Variants in SOX6 observed in about 807,000 individuals in gnomAD.
SOX6 encodes transcription factor SOX-6.
SOX6 carries 11 observed loss-of-function variants against 97.8 expected under a neutral mutation model. The observed-to-expected ratio is 0.11, with a 90% CI of 0.07 to 0.19. The LOEUF is 0.19. Among genes scored for constraint, SOX6 ranks in the 10% least tolerant of loss-of-function variants. The pLI is 1.00. For synonymous variants in SOX6, 360 were observed against 371.4 expected (o/e 0.97, Z 0.35); for missense variants, 810 against 1,039.5 (o/e 0.78, Z 3.04).
At chr11:16,271,487 T>C (rs1297229125) in intron 3 of SOX6, among the ~76,000 whole-genome samples, 1 of 151,456 alleles carries the variant, frequency 6.6e-6, no homozygotes, top group African/African-American at 2.4e-5. Context: ...TAAAACTTTC[T>C]GGGCCTAGTG....
intron 3 of SOX6, chr11:16,646,343 CA>C (rs1277727943): frequency 6.6e-6 from 1 of 152,166 alleles, no homozygotes; most frequent in African/African-American, 2.4e-5. Context: ...GTATAAATAA[CA>C]ACTAATATAA....
At chr11:16,026,079 C>G (rs1855209530) in intron 12 of SOX6, among the ~76,000 whole-genome samples, 1 of 152,140 alleles carries the variant, frequency 6.6e-6, no homozygotes, top group Non-Finnish European at 1.5e-5. Flanking sequence ...CTGAGCTACT[C>G]TTACTCTACC....
chr11:16,405,474 G>A (rs112145734), intron 1 of SOX6, among the ~76,000 whole-genome samples: 16 of 152,128 alleles, frequency 1.1e-4, no homozygotes, highest in East Asian at 5.8e-4. Context: ...GATGAATGGA[G>A]GGACGTGACT....
intron 4 of SOX6, among the ~76,000 whole-genome samples, chr11:16,526,241 C>T (rs184128268): frequency 6.6e-6 from 1 of 152,266 alleles, no homozygotes; most frequent in East Asian, 1.9e-4. Flanking sequence ...ACCCAAATGT[C>T]TAACAATGTA....
At chr11:16,505,171 G>C (rs561316503) in intron 4 of SOX6, among the ~76,000 whole-genome samples, 57 of 152,328 alleles carry the variant, frequency 3.7e-4, no homozygotes, top group Non-Finnish European at 6.5e-4. Flanking sequence ...CTAGAGACTT[G>C]TTGAATGGTT....
intron 3 of SOX6, among the ~76,000 whole-genome samples, chr11:16,682,014 G>A (rs1164921832): frequency 6.6e-6 from 1 of 152,190 alleles, no homozygotes; most frequent in Non-Finnish European, 1.5e-5. Flanking sequence ...CAGATTCACA[G>A]CTGAATTCTA....
rs935374010 is a variant in SOX6 at position 15,971,344 on chromosome 11, T to A, written c.*1465A>T. 1 of 152,646 alleles carries A rather than the reference T, an allele frequency of 6.6e-6. No homozygotes were observed. Among genetic ancestry groups the A allele is most frequent in the Non-Finnish European group, 1.5e-5 (1 of 68,046 alleles). 9.5% of individuals were successfully genotyped at this position (152,646 alleles called of 1,614,324 possible). ...GATGTGCCAGCTGGGACAAGGCAAC[T>A]CAGTGTAAAGGTGCCAGCCCATGAC... On this transcript the variant is annotated 3_prime_UTR_variant, in exon 16 of 16. Transcript: ENST00000683767.
At chr11:16,293,977 ATAAAC>A (rs763124966) in intron 3 of SOX6, among the ~76,000 whole-genome samples, 6 of 151,974 alleles carry the variant, frequency 3.9e-5, no homozygotes, top group East Asian at 3.9e-4. Flanking sequence ...CTTTCTACAC[ATAAAC>A]TAATTACTGG....
At chr11:16,263,064 T>G (rs1853951995) in intron 3 of SOX6, among the ~76,000 whole-genome samples, 2 of 151,904 alleles carry the variant, frequency 1.3e-5, no homozygotes, top group Non-Finnish European at 2.9e-5. Flanking sequence ...GTTCTCAAAA[T>G]CCAAAACTTA....
intron 3 of SOX6, among the ~76,000 whole-genome samples, chr11:16,642,500 C>T (rs913144825): frequency 3.3e-5 from 5 of 152,144 alleles, no homozygotes; most frequent in Non-Finnish European, 7.3e-5. Flanking sequence ...TGGATAATAT[C>T]CTGCAGTGTT....
intron 2 of SOX6, among the ~76,000 whole-genome samples, chr11:16,330,921 GA>G (rs1229754974): frequency 6.6e-6 from 1 of 151,804 alleles, no homozygotes; most frequent in African/African-American, 2.4e-5. Flanking sequence ...GATAAAAAAA[GA>G]AAAAAAGGAA....
intron 3 of SOX6, among the ~76,000 whole-genome samples, chr11:16,674,537 A>G (rs1162700066): frequency 6.6e-6 from 1 of 152,228 alleles, no homozygotes; most frequent in Non-Finnish European, 1.5e-5. Context: ...GTAGTACTGA[A>G]GTCCTAGCTA....
intron 1 of SOX6, among the ~76,000 whole-genome samples, chr11:16,460,459 T>C (rs937279879): frequency 5.3e-5 from 8 of 152,106 alleles, no homozygotes; most frequent in African/African-American, 1.7e-4. Context: ...AGTGTTAGTA[T>C]GAATGATAAG....
intron 6 of SOX6, among the ~76,000 whole-genome samples, chr11:16,124,564 G>T (rs1464700705): frequency 6.6e-6 from 1 of 151,972 alleles, no homozygotes; most frequent in East Asian, 2.0e-4. Flanking sequence ...CTGAGGAAAT[G>T]TTGCACAGAG....
intron 1 of SOX6, among the ~76,000 whole-genome samples, chr11:16,405,426 G>T (rs546120429): frequency 1.8e-4 from 28 of 151,892 alleles, no homozygotes; most frequent in African/African-American, 5.1e-4. Context: ...CCAAGTACAG[G>T]TCCCCCATCT....
intron 2 of SOX6, among the ~76,000 whole-genome samples, chr11:16,730,029 A>AATATATATATATATAT (rs34591978): frequency 1.3e-4 from 18 of 142,620 alleles, no homozygotes; most frequent in African/African-American, 4.1e-4. Context: ...AACTATCCTA[A>AATATATATATATATAT]ATATATATAT....
intron 4 of SOX6, among the ~76,000 whole-genome samples, chr11:16,609,935 G>A (rs576824433): frequency 6.6e-6 from 1 of 152,300 alleles, no homozygotes; most frequent in Non-Finnish European, 1.5e-5. Flanking sequence ...TCTGTCTCTA[G>A]GGGCCAGAGC....
At chr11:16,672,814 A>T (rs1448984002) in intron 3 of SOX6, among the ~76,000 whole-genome samples, 1 of 152,222 alleles carries the variant, frequency 6.6e-6, no homozygotes, top group East Asian at 1.9e-4. Flanking sequence ...CAAAGCTCAA[A>T]ATAAAGGGAT....
At chr11:16,462,618 T>C (rs1859952167) in intron 1 of SOX6, among the ~76,000 whole-genome samples, 1 of 152,222 alleles carries the variant, frequency 6.6e-6, no homozygotes, top group South Asian at 2.1e-4. Context: ...TCAATTGTAT[T>C]TATTAATAAC....
Sources: gnomAD v4.1 joint callset for allele counts (sites outside exome capture counted in the v4.1 genomes callset) on GRCh38, gnomAD v4.1.1 for gene constraint, MANE v1.5 for transcripts, NCBI Gene and HGNC (gene_info 2026-07-23, HGNC 2026-07-21) for gene names.